The following HS2ST1 variants were observed in gnomAD, a reference collection of about 807,000 sequenced individuals.
The protein encoded by HS2ST1 is 2-O-sulfotransferase.
In HS2ST1, 18 loss-of-function variants were observed where a neutral mutation model predicts 42.9. The observed-to-expected ratio is 0.42, with a 90% CI of 0.29 to 0.62. HS2ST1 has a LOEUF of 0.62. HS2ST1 is among the 20% of genes least tolerant of loss of function. The pLI is 0.21. For synonymous variants in HS2ST1, 146 were observed against 152.9 expected, an observed-to-expected ratio of 0.95 and a Z score of 0.33; for missense variants, 334 against 433.8, an observed-to-expected ratio of 0.77 and a Z score of 2.04.
intron 2 of HS2ST1, among the ~76,000 whole-genome samples, chr1:87,075,905 T>C (rs1299875583): frequency 6.6e-6 from 1 of 152,164 alleles, no homozygotes; most frequent in African/African-American, 2.4e-5. Flanking sequence ...TTGTTGTGTA[T>C]GTAATATACA....
chr1:87,020,716 C>G lies in HS2ST1; in HGVS notation c.125-52218C>G, dbSNP rs569354421. 1.2e-3 allele frequency among the ~76,000 whole-genome samples: 182 copies of G among 152,288 alleles called. 1 individual carries two copies. Among genetic ancestry groups the G allele is most frequent in the African/African-American group, 4.1e-3 (171 of 41,564 alleles). On this transcript the variant is annotated intron_variant, in intron 1 of 6. Coordinates refer to ENST00000370550, the MANE Select transcript of HS2ST1 (RefSeq NM_012262.4). Reference sequence around the variant, plus strand: ...TCCCTTGGCTTGTAGATCATCTTCTCACTGTGTCTTCACATAGTCTCTGTG... The same window carrying G: ...TCCCTTGGCTTGTAGATCATCTTCTGACTGTGTCTTCACATAGTCTCTGTG...
At chr1:87,035,290 T>G (rs1424741109) in intron 1 of HS2ST1, among the ~76,000 whole-genome samples, 1 of 152,248 alleles carries the variant, frequency 6.6e-6, no homozygotes, top group Non-Finnish European at 1.5e-5. Context: ...AATTAACCTA[T>G]GAACAATTTT....
At chr1:86,949,363 C>T (rs571046359) in intron 1 of HS2ST1, among the ~76,000 whole-genome samples, 30 of 152,322 alleles carry the variant, frequency 2.0e-4, no homozygotes, top group Non-Finnish European at 3.4e-4. Context: ...CCGGCCTTGG[C>T]GTCCCAAAGT....
chr1:87,071,204 A>G (rs1651395337), intron 1 of HS2ST1, among the ~76,000 whole-genome samples: 1 of 152,206 alleles, frequency 6.6e-6, no homozygotes, highest in African/African-American at 2.4e-5. Flanking sequence ...TCCTCAGCTC[A>G]GAGTGTATTC....
intron 1 of HS2ST1, among the ~76,000 whole-genome samples, chr1:86,935,262 A>T (rs1341275293): frequency 1.3e-5 from 2 of 151,526 alleles, no homozygotes; most frequent in Non-Finnish European, 2.9e-5. Context: ...TTTCCTATTT[A>T]TTGTTGCATA....
At chr1:87,097,404 G>GT (rs201582056) in intron 4 of HS2ST1, among the ~76,000 whole-genome samples, 1,929 of 151,918 alleles carry the variant, frequency 0.013, 44 homozygotes, top group African/African-American at 0.044. Flanking sequence ...TTTTGTTTTT[G>GT]TTTTTTTTGA....
At chr1:86,965,658 A>T (rs1570451910) in intron 1 of HS2ST1, among the ~76,000 whole-genome samples, 1 of 151,656 alleles carries the variant, frequency 6.6e-6, no homozygotes, top group South Asian at 2.1e-4. Context: ...GTTTTTTTTT[A>T]GGGGATTAAA....
intron 1 of HS2ST1, among the ~76,000 whole-genome samples, chr1:87,042,895 C>T (rs1650557371): frequency 6.6e-6 from 1 of 152,040 alleles, no homozygotes. Flanking sequence ...ACGAGCTTTA[C>T]ACCACATAAA....
intron 1 of HS2ST1, among the ~76,000 whole-genome samples, chr1:86,969,239 A>G (rs1037421538): frequency 6.6e-6 from 1 of 152,246 alleles, no homozygotes; most frequent in Non-Finnish European, 1.5e-5. Flanking sequence ...AACCTCAGTT[A>G]TAAGTCCCTG....
intron 1 of HS2ST1, among the ~76,000 whole-genome samples, chr1:87,058,832 C>T (rs555475113): frequency 2.0e-5 from 3 of 151,508 alleles, no homozygotes; most frequent in Non-Finnish European, 2.9e-5. Context: ...GAGGCCGAGG[C>T]GGGGAATCAT....
chr1:87,084,046 T>TACA (rs1651756887), intron 2 of HS2ST1, 148 bp from the exon 3 acceptor site: 1 of 492,746 alleles, frequency 2.0e-6, no homozygotes, highest in Non-Finnish European at 3.6e-6. Flanking sequence ...AGTTACAGAT[T>TACA]ACAGTATACT....
At chr1:86,960,267 C>T (rs2102196298) in intron 1 of HS2ST1, among the ~76,000 whole-genome samples, 1 of 144,530 alleles carries the variant, frequency 6.9e-6, no homozygotes, top group South Asian at 2.2e-4. Context: ...AGACTTTATA[C>T]TTTTCACAAA....
At chr1:86,919,341 C>T (rs1660241843) in intron 1 of HS2ST1, among the ~76,000 whole-genome samples, 2 of 152,132 alleles carry the variant, frequency 1.3e-5, no homozygotes, top group Admixed American at 1.3e-4. Flanking sequence ...TTAAATCTAT[C>T]AATTTAGGGA....
rs1473733199 is a variant in HS2ST1, at chr1:87,106,550, G to A, written c.*1854G>A. 6.6e-6 allele frequency: 1 copy of A among 151,874 alleles called. No individual in the cohort carries two copies. The highest frequency in any genetic ancestry group is 1.5e-5 in the Non-Finnish European group (1 of 67,894). 9.4% of individuals were successfully genotyped at this position (151,874 alleles called of 1,614,324 possible). ...GGGCATGAGGGAACACTTCTTATGA[G>A]AAAACATTTATAAACAAAAGAAACA... is the stretch of plus-strand genomic sequence containing the variant. On this transcript the variant is annotated 3_prime_UTR_variant, in exon 7 of 7. Coordinates refer to ENST00000370550, the MANE Select transcript of HS2ST1 (RefSeq NM_012262.4).
intron 1 of HS2ST1, among the ~76,000 whole-genome samples, chr1:86,930,358 A>C (rs1185856053): frequency 1.3e-5 from 2 of 151,956 alleles, no homozygotes; most frequent in African/African-American, 4.8e-5. Context: ...AAACTTTAAA[A>C]AATTCATTTC....
At chr1:86,940,704 C>T (rs958488781) in intron 1 of HS2ST1, among the ~76,000 whole-genome samples, 2 of 152,190 alleles carry the variant, frequency 1.3e-5, no homozygotes, top group Non-Finnish European at 2.9e-5. Flanking sequence ...TGAAAACACA[C>T]TGGCGACTGG....
At chr1:87,005,444 G>A (rs577375753) in intron 1 of HS2ST1, among the ~76,000 whole-genome samples, 34 of 152,030 alleles carry the variant, frequency 2.2e-4, no homozygotes, top group Admixed American at 6.6e-5. Context: ...TATAGCCAGT[G>A]AAAAAATTAA....
At chr1:87,020,071 G>A (rs972550758) in intron 1 of HS2ST1, among the ~76,000 whole-genome samples, 5 of 152,162 alleles carry the variant, frequency 3.3e-5, no homozygotes, top group Non-Finnish European at 7.4e-5. Context: ...AAATGACTTT[G>A]GGAGTAGAGC....
Position 87,072,914 on chromosome 1 carries a change from G to A in HS2ST1, c.125-20G>A, listed in dbSNP as rs376848829. The A allele has an allele frequency of 7.7e-5, 121 of 1,562,276 alleles. 1 individual carries two copies. In the African/African-American group the frequency reaches 1.3e-3, roughly 16 times the overall value. ...TATAGTGTCCTTAAAAACTTAGTTC[G>A]TATCTGTTTTTCTTTCCAGAAAGGG... is the stretch of plus-strand genomic sequence containing the variant. On this transcript the variant is annotated intron_variant, in intron 1 of 6. Coordinates refer to ENST00000370550, the MANE Select transcript of HS2ST1 (RefSeq NM_012262.4).
Sources: allele counts gnomAD v4.1 joint callset (sites outside exome capture counted in the v4.1 genomes callset), GRCh38; gene constraint gnomAD v4.1.1; transcripts MANE v1.5; gene names NCBI Gene and HGNC (gene_info 2026-07-23, HGNC 2026-07-21).